The following LRRC9 variants were observed in gnomAD, a reference collection of about 807,000 sequenced individuals.
The protein encoded by LRRC9 is leucine rich repeat containing 9.
LRRC9 carries 122 observed loss-of-function variants against 63.2 expected under a neutral mutation model. That is an observed-to-expected ratio of 1.93 (90% CI 1.67 to 2.24). The LOEUF is 2.24. Among genes scored for constraint, LRRC9 ranks in the 30% most tolerant of loss-of-function variants. The pLI is 0.00. For synonymous variants in LRRC9, 366 were observed against 213.1 expected (o/e 1.72, Z -6.25); for missense variants, 1,071 against 627.7 (o/e 1.71, Z -7.55).
chr14:60,045,634 A>C (rs1169396128), intron 29 of LRRC9, among the ~76,000 whole-genome samples: 1 of 152,206 alleles, frequency 6.6e-6, no homozygotes, highest in African/African-American at 2.4e-5. Context: ...ATAGTATTCC[A>C]TGGTTTAAAT....
intron 23 of LRRC9, among the ~76,000 whole-genome samples, chr14:60,014,635 T>C (rs1595028921): frequency 1.3e-5 from 2 of 152,128 alleles, no homozygotes; most frequent in South Asian, 4.1e-4. Flanking sequence ...TGTTTTTCCT[T>C]TATAGGTAAG....
rs1376542090 is a variant in LRRC9, at chr14:60,017,260, T to G, written c.3317+470T>G. 6.6e-6 allele frequency among the ~76,000 whole-genome samples: 1 copy of G among 152,104 alleles called. No homozygotes were observed. ...TTATTATCTCTTGTAGTCCTTTTCT[T>G]TACTGCCCATGATACTTCATACTTC... On this transcript the variant is annotated intron_variant, in intron 24 of 31. Coordinates refer to ENST00000445360, the Ensembl canonical transcript of LRRC9. This position sits in a 1 kb window ranked among gnomAD's most constrained non-coding sequence, Gnocchi z 4.0.
intron 6 of LRRC9, among the ~76,000 whole-genome samples, chr14:59,935,758 AG>A (rs2139808869): frequency 6.6e-6 from 1 of 152,350 alleles, no homozygotes; most frequent in African/African-American, 2.4e-5. Context: ...AGACCCTTCC[AG>A]GCAAAAGTTA....
chr14:60,005,115 T>A (rs1175787658), intron 21 of LRRC9, among the ~76,000 whole-genome samples: 1 of 152,124 alleles, frequency 6.6e-6, no homozygotes, highest in Non-Finnish European at 1.5e-5. Context: ...TAAAAGCAAG[T>A]ATTAAATATA....
intron 15 of LRRC9, among the ~76,000 whole-genome samples, chr14:59,978,959 A>G (rs1268681409): frequency 1.3e-5 from 2 of 152,178 alleles, no homozygotes; most frequent in Non-Finnish European, 2.9e-5. Flanking sequence ...TTTGGCCACT[A>G]TGGTGGGCAA....
intron 29 of LRRC9, among the ~76,000 whole-genome samples, chr14:60,049,702 C>T (rs1400079472): frequency 6.6e-6 from 1 of 152,012 alleles, no homozygotes; most frequent in African/African-American, 2.4e-5. Flanking sequence ...TTCATTTTGA[C>T]CTTGGAGAAT....
intron 30 of LRRC9, chr14:60,054,075 A>G: frequency 5.8e-6 from 2 of 345,666 alleles, no homozygotes; most frequent in Admixed American, 8.2e-5. Context: ...GGTGACTTTA[A>G]AAACATTAAA....
At chr14:59,987,100 C>T (rs1887552216) in intron 17 of LRRC9, among the ~76,000 whole-genome samples, 1 of 152,042 alleles carries the variant, frequency 6.6e-6, no homozygotes, top group Non-Finnish European at 1.5e-5. Context: ...TGCTTGTAAT[C>T]AGCACCCAGA....
intron 8 of LRRC9, among the ~76,000 whole-genome samples, chr14:59,951,105 T>C (rs1883066813): frequency 1.6e-5 from 1 of 62,828 alleles, no homozygotes; most frequent in Non-Finnish European, 2.8e-5. Flanking sequence ...TCCAACTTGG[T>C]TCCATTCTCC....
intron 17 of LRRC9, among the ~76,000 whole-genome samples, chr14:59,993,767 C>A (rs2140164087): frequency 6.6e-6 from 1 of 152,284 alleles, no homozygotes; most frequent in East Asian, 1.9e-4. Context: ...AGCTAACTAT[C>A]CTAAATATAT....
Position 60,060,742 on chromosome 14 carries a change from A to AAAAAT in LRRC9, c.4277-2565_4277-2561dup, listed in dbSNP as rs1214872314. ...GGTGACAGAGCAAGACTCCATCTCA[A>AAAAAT]AAAATAAAATAAAATAAAATTAGTG... On this transcript the variant is annotated intron_variant, in intron 31 of 31. Coordinates refer to ENST00000445360, the Ensembl canonical transcript of LRRC9. This position sits in a 1 kb window ranked among gnomAD's most constrained non-coding sequence, Gnocchi z 4.0. Among the ~76,000 whole-genome samples the AAAAAT allele has an allele frequency of 6.6e-6, 1 of 152,154 alleles. No homozygotes were observed. The highest frequency in any genetic ancestry group is 2.4e-5 in the African/African-American group (1 of 41,450).
At chr14:59,947,255 C>T (rs1363617863) in intron 8 of LRRC9, among the ~76,000 whole-genome samples, 2 of 146,384 alleles carry the variant, frequency 1.4e-5, no homozygotes, top group Admixed American at 1.4e-4. Context: ...CTCTGATGGC[C>T]AGTGATGATG....
Position 59,965,457 on chromosome 14 carries a change from A to G in LRRC9, c.1212-1132A>G, listed in dbSNP as rs76228542. On this transcript the variant is annotated intron_variant, in intron 10 of 31. Coordinates refer to ENST00000445360, the Ensembl canonical transcript of LRRC9. ...CAATGCCTCTTTCACATCCGTATTC[A>G]TTGTCAGGAAGTTATTTCAGTAGTC... Among the ~76,000 whole-genome samples, 505 of 152,244 alleles carry G rather than the reference A, an allele frequency of 3.3e-3. 17 individuals are homozygous for G. The East Asian group carries it at 0.057, about 17-fold the overall frequency.
chr14:60,006,094 C>A (rs1012049848), intron 21 of LRRC9, among the ~76,000 whole-genome samples: 1 of 151,986 alleles, frequency 6.6e-6, no homozygotes, highest in African/African-American at 2.4e-5. Context: ...TAATTAATTA[C>A]ATCATTTTAA....
chr14:60,039,124 G>A (rs937683512), intron 29 of LRRC9, among the ~76,000 whole-genome samples: 13 of 152,268 alleles, frequency 8.5e-5, no homozygotes, highest in Middle Eastern at 6.8e-3. Context: ...CGACTTAATC[G>A]TGGTGGATAA....
exon 28 of LRRC9, chr14:60,028,082 T>C (rs770481501): frequency 1.5e-4 from 103 of 694,980 alleles, no homozygotes; most frequent in Middle Eastern, 9.2e-4. Context: ...AAACTCTTCC[T>C]AGGATATAAT....
At chr14:60,025,554 G>A (rs1891478375) in intron 27 of LRRC9, among the ~76,000 whole-genome samples, 1 of 151,916 alleles carries the variant, frequency 6.6e-6, no homozygotes, top group Non-Finnish European at 1.5e-5. Flanking sequence ...AGGAAGTGAG[G>A]CAGTTTACTC....
rs1889588624 is a variant in LRRC9, at chr14:59,930,304, T to C, written c.268-614T>C. Among the ~76,000 whole-genome samples the C allele has an allele frequency of 6.6e-6, 1 of 151,682 alleles. No homozygotes were observed. The highest frequency in any genetic ancestry group is 2.4e-5 in the African/African-American group (1 of 41,344). On this transcript the variant is annotated intron_variant, in intron 3 of 31. Transcript: ENST00000445360. This position sits in a 1 kb window ranked among gnomAD's most constrained non-coding sequence, Gnocchi z 4.9. ...AAATGCACAGGGCATACGTTTTGTCTTAGAAGTCCCTACACTAAGATTTTA... is the reference window on the plus strand; with the variant it reads ...AAATGCACAGGGCATACGTTTTGTCCTAGAAGTCCCTACACTAAGATTTTA...
chr14:59,956,716 C>A (rs1180431615), intron 8 of LRRC9, among the ~76,000 whole-genome samples: 4 of 152,088 alleles, frequency 2.6e-5, no homozygotes, highest in African/African-American at 9.7e-5. Flanking sequence ...TTAATTTATG[C>A]AGTTTCTTCA....
Sources: gnomAD v4.1 joint callset for allele counts (sites outside exome capture counted in the v4.1 genomes callset) on GRCh38, gnomAD v4.1.1 for gene constraint, Gnocchi (gnomAD v3.1) non-coding constraint, MANE v1.5 for transcripts, NCBI Gene and HGNC (gene_info 2026-07-23, HGNC 2026-07-21) for gene names.